The following CDK14 variants were observed in gnomAD, a reference collection of about 807,000 sequenced individuals.
CDK14 encodes the protein cyclin-dependent kinase 14.
In CDK14, 34 loss-of-function variants were observed where a neutral mutation model predicts 60.7. The ratio of observed to expected loss-of-function variants is 0.56; its 90% CI spans 0.43 to 0.75. The LOEUF (loss-of-function observed/expected upper bound fraction) is 0.75. Among genes scored for constraint, CDK14 ranks in the 30% least tolerant of loss-of-function variants. CDK14 has a pLI of 0.00. For synonymous variants in CDK14, 197 were observed against 203.7 expected (o/e 0.97, Z 0.28); for missense variants, 482 against 564.1 (o/e 0.85, Z 1.47).
chr7:90,993,966 A>T (rs1795608780), intron 10 of CDK14, among the ~76,000 whole-genome samples: 1 of 152,174 alleles, frequency 6.6e-6, no homozygotes, highest in African/African-American at 2.4e-5. Flanking sequence ...AAAAAAATTT[A>T]ACCTAATGTA....
chr7:91,126,243 A>G (rs1799940677), intron 14 of CDK14, among the ~76,000 whole-genome samples: 1 of 152,212 alleles, frequency 6.6e-6, no homozygotes, highest in South Asian at 2.1e-4. Context: ...AAAATCTGGA[A>G]GGAAAAAAAT....
chr7:91,197,517 T>C (rs1441906619), intron 14 of CDK14, among the ~76,000 whole-genome samples: 3 of 152,132 alleles, frequency 2.0e-5, no homozygotes, highest in African/African-American at 7.2e-5. Context: ...GGTATTTAAA[T>C]CTGCAATGTA....
At chr7:91,199,016 CTTTGTA>C (rs1802636182) in intron 14 of CDK14, among the ~76,000 whole-genome samples, 1 of 151,996 alleles carries the variant, frequency 6.6e-6, no homozygotes, top group Non-Finnish European at 1.5e-5. Context: ...TGGGGAGTGA[CTTTGTA>C]TTTGGTTTGT....
At chr7:91,125,385 A>G (rs1799910838) in intron 14 of CDK14, among the ~76,000 whole-genome samples, 1 of 152,228 alleles carries the variant, frequency 6.6e-6, no homozygotes, top group Non-Finnish European at 1.5e-5. Context: ...TAGCTAAAGT[A>G]TTACAAGTAT....
intron 12 of CDK14, among the ~76,000 whole-genome samples, chr7:91,097,441 T>C (rs1799026276): frequency 6.6e-6 from 1 of 152,094 alleles, no homozygotes; most frequent in Non-Finnish European, 1.5e-5. Context: ...GAACTAAATT[T>C]ATAAATTTTC....
At chr7:91,205,362 A>T (rs1410425136) in intron 14 of CDK14, among the ~76,000 whole-genome samples, 2 of 152,254 alleles carry the variant, frequency 1.3e-5, no homozygotes, top group Non-Finnish European at 2.9e-5. Flanking sequence ...ACCCTAAAAA[A>T]TAATGAAGTA....
intron 2 of CDK14, chr7:90,709,975 TA>T: frequency 9.7e-7 from 1 of 1,034,990 alleles, no homozygotes. Flanking sequence ...AGAGCATGCT[TA>T]AAATTACAGG....
In CDK14 at chr7:91,079,425, A is replaced by G. The variant is rs755087534; in HGVS notation, c.1106-7A>G. The stretch of plus-strand genomic sequence containing the variant: ...AGATTGTTTATCATTTTTCTTTTTT[A>G]TTTCAGAACGCTTTACCCTGTACAG... On this transcript the variant is annotated splice_polypyrimidine_tract_variant and splice_region_variant and intron_variant, in intron 11 of 14. Transcript: ENST00000380050. The G allele has an allele frequency of 6.4e-7, 1 of 1,569,980 alleles. No individual in the cohort carries two copies. Among genetic ancestry groups the G allele is most frequent in the East Asian group, 2.3e-5 (1 of 44,438 alleles).
At chr7:90,923,876 A>G (rs919180948) in intron 8 of CDK14, among the ~76,000 whole-genome samples, 12 of 152,234 alleles carry the variant, frequency 7.9e-5, no homozygotes, top group Non-Finnish European at 2.9e-5. Context: ...AAATATTTGC[A>G]TATGTAGAAA....
At chr7:90,746,186 A>G (rs1355152974) in intron 3 of CDK14, among the ~76,000 whole-genome samples, 1 of 152,212 alleles carries the variant, frequency 6.6e-6, no homozygotes, top group Non-Finnish European at 1.5e-5. Context: ...TTCTTTCAGA[A>G]TTCTTCAAAA....
intron 12 of CDK14, among the ~76,000 whole-genome samples, chr7:91,111,879 A>T (rs1799477247): frequency 6.6e-6 from 1 of 152,146 alleles, no homozygotes; most frequent in African/African-American, 2.4e-5. Context: ...AGCTTATACC[A>T]CATGAAAGAC....
At chr7:90,747,180 C>G (rs527618094) in intron 3 of CDK14, among the ~76,000 whole-genome samples, 1 of 152,268 alleles carries the variant, frequency 6.6e-6, no homozygotes, top group South Asian at 2.1e-4. Flanking sequence ...TGCTTTGCTT[C>G]CTTCAACCAT....
chr7:91,155,234 A>G (rs1800950077), intron 14 of CDK14, among the ~76,000 whole-genome samples: 1 of 152,212 alleles, frequency 6.6e-6, no homozygotes, highest in Non-Finnish European at 1.5e-5. Flanking sequence ...TGCAGAGGTG[A>G]ACAGAGAATC....
intron 5 of CDK14, among the ~76,000 whole-genome samples, chr7:90,828,511 T>C (rs1789800693): frequency 1.0e-5 from 1 of 96,528 alleles, no homozygotes; most frequent in Non-Finnish European, 2.1e-5. Context: ...AATTCTCTAT[T>C]TGTTTAATAT....
intron 6 of CDK14, among the ~76,000 whole-genome samples, chr7:90,896,316 C>T (rs1792336654): frequency 6.6e-6 from 1 of 151,486 alleles, no homozygotes; most frequent in Admixed American, 6.6e-5. Context: ...CTATTCATTC[C>T]TCCCTTTCTC....
intron 2 of CDK14, among the ~76,000 whole-genome samples, chr7:90,663,354 G>A (rs555186268): frequency 5.3e-5 from 8 of 152,232 alleles, no homozygotes; most frequent in Admixed American, 2.6e-4. Context: ...GGAGGGTGTC[G>A]TAGATACTTA....
At chr7:90,970,060 A>AG (rs555464295) in intron 9 of CDK14, among the ~76,000 whole-genome samples, 557 of 149,280 alleles carry the variant, frequency 3.7e-3, no homozygotes, top group Non-Finnish European at 5.6e-3. Flanking sequence ...TCCGCCTCCC[A>AG]GGTTTAAGCG....
At chr7:90,696,599 T>C (rs10239910) in intron 2 of CDK14, among the ~76,000 whole-genome samples, 85,469 of 151,928 alleles carry the variant, frequency 0.56, 24,293 homozygotes, top group East Asian at 0.77. Context: ...TTAAGATTCC[T>C]ATTATGTATC....
intron 8 of CDK14, among the ~76,000 whole-genome samples, chr7:90,933,503 G>T (rs1793658603): frequency 6.6e-6 from 1 of 152,136 alleles, no homozygotes; most frequent in Non-Finnish European, 1.5e-5. Context: ...AACAGTTCGA[G>T]AAGTTATGTA....
Sources: gnomAD v4.1 joint callset for allele counts (sites outside exome capture counted in the v4.1 genomes callset) on GRCh38, gnomAD v4.1.1 for gene constraint, MANE v1.5 for transcripts, NCBI Gene and HGNC (gene_info 2026-07-23, HGNC 2026-07-21) for gene names.